The following LHFPL6 variants were observed in gnomAD, a reference collection of about 807,000 sequenced individuals.
LHFPL6 encodes LHFPL tetraspan subfamily member 6 protein.
In LHFPL6, 9 loss-of-function variants were observed where a neutral mutation model predicts 20.6. The ratio of observed to expected loss-of-function variants is 0.44; its 90% CI spans 0.26 to 0.76. The LOEUF (loss-of-function observed/expected upper bound fraction) is 0.76, where lower values mean the gene tolerates loss of function less well. LHFPL6 is among the 30% of genes least tolerant of loss of function. The probability of loss-of-function intolerance (pLI) is 0.20; values close to 1 mark genes in which losing one functional copy is unlikely to be tolerated. For synonymous variants in LHFPL6, 105 were observed against 98.7 expected (o/e 1.06, Z -0.38); for missense variants, 218 against 253.5 (o/e 0.86, Z 0.95).
At chr13:39,592,655 C>G (rs903858266) in intron 2 of LHFPL6, among the ~76,000 whole-genome samples, 5 of 152,142 alleles carry the variant, frequency 3.3e-5, no homozygotes, top group Admixed American at 1.3e-4. Flanking sequence ...CAAAGCCTGG[C>G]AGAGACACGA....
At chr13:39,401,135 G>A (rs1001076963) in intron 2 of LHFPL6, among the ~76,000 whole-genome samples, 3 of 152,192 alleles carry the variant, frequency 2.0e-5, no homozygotes, top group Non-Finnish European at 4.4e-5. Flanking sequence ...ACACTGAGTA[G>A]TCTAAGTTCA....
At chr13:39,497,350 A>G (rs1284184795) in intron 2 of LHFPL6, among the ~76,000 whole-genome samples, 1 of 152,194 alleles carries the variant, frequency 6.6e-6, no homozygotes, top group Non-Finnish European at 1.5e-5. Context: ...TTCTCAATAC[A>G]TGAGCTCAAA....
chr13:39,346,412 G>T (rs1299825001), intron 3 of LHFPL6, among the ~76,000 whole-genome samples: 3 of 152,132 alleles, frequency 2.0e-5, no homozygotes, highest in Non-Finnish European at 4.4e-5. Context: ...TCTCAAAATT[G>T]TCATGGAGCT....
intron 2 of LHFPL6, among the ~76,000 whole-genome samples, chr13:39,584,783 A>G (rs777662042): frequency 6.6e-6 from 1 of 152,092 alleles, no homozygotes; most frequent in Admixed American, 6.6e-5. Flanking sequence ...TCCAACATAT[A>G]CCAAACTGCA....
chr13:39,350,864 G>T (rs1395021330), intron 3 of LHFPL6, among the ~76,000 whole-genome samples: 1 of 152,186 alleles, frequency 6.6e-6, no homozygotes, highest in Non-Finnish European at 1.5e-5. Flanking sequence ...ATAGGGGTGG[G>T]GAGGGATGTT....
intron 2 of LHFPL6, among the ~76,000 whole-genome samples, chr13:39,435,597 T>C (rs1871936699): frequency 6.6e-6 from 1 of 152,192 alleles, no homozygotes; most frequent in Admixed American, 6.5e-5. Flanking sequence ...AAATTCTCCA[T>C]TGAAAATGCA....
intron 3 of LHFPL6, among the ~76,000 whole-genome samples, chr13:39,358,396 C>T (rs1231087084): frequency 2.6e-5 from 4 of 152,020 alleles, no homozygotes; most frequent in African/African-American, 9.7e-5. Context: ...AAAATTAACT[C>T]GAGAGATTAA....
intron 2 of LHFPL6, among the ~76,000 whole-genome samples, chr13:39,418,972 A>T (rs1871415208): frequency 1.3e-5 from 2 of 152,200 alleles, no homozygotes; most frequent in African/African-American, 4.8e-5. Flanking sequence ...GATTCCACAG[A>T]TTCACCTTCC....
intron 2 of LHFPL6, among the ~76,000 whole-genome samples, chr13:39,398,780 G>A (rs775748811): frequency 1.7e-4 from 26 of 152,304 alleles, no homozygotes; most frequent in Non-Finnish European, 2.9e-4. Flanking sequence ...ATCAACAGTG[G>A]CATTAGATTC....
At chr13:39,479,979 T>C (rs1868449186) in intron 2 of LHFPL6, among the ~76,000 whole-genome samples, 1 of 152,220 alleles carries the variant, frequency 6.6e-6, no homozygotes. Flanking sequence ...CGACTTCTTT[T>C]TTCGATCCAC....
chr13:39,401,967 T>C (rs1871001540), intron 2 of LHFPL6, among the ~76,000 whole-genome samples: 1 of 152,140 alleles, frequency 6.6e-6, no homozygotes. Context: ...TAGACAGATG[T>C]ATACCGTCCG....
chr13:39,574,627 C>A (rs1427605990), intron 2 of LHFPL6, among the ~76,000 whole-genome samples: 1 of 152,170 alleles, frequency 6.6e-6, no homozygotes, highest in Non-Finnish European at 1.5e-5. Context: ...CCTAGCTGCA[C>A]TGCAGAGCAA....
At chr13:39,384,127 G>C (rs2138364858) in intron 2 of LHFPL6, among the ~76,000 whole-genome samples, 1 of 152,330 alleles carries the variant, frequency 6.6e-6, no homozygotes, top group Admixed American at 6.5e-5. Flanking sequence ...GGGCAGAAGA[G>C]CCAATACTGA....
chr13:39,466,348 T>C (rs1872806067), intron 2 of LHFPL6, among the ~76,000 whole-genome samples: 1 of 152,222 alleles, frequency 6.6e-6, no homozygotes, highest in African/African-American at 2.4e-5. Flanking sequence ...TCACCTCCAC[T>C]TGACATCAGC....
At chr13:39,589,881 T>C (rs1872550166) in intron 2 of LHFPL6, among the ~76,000 whole-genome samples, 1 of 152,178 alleles carries the variant, frequency 6.6e-6, no homozygotes, top group Non-Finnish European at 1.5e-5. Flanking sequence ...TTATTAATAT[T>C]AACATGTAAT....
chr13:39,424,991 C>T (rs576795990), intron 2 of LHFPL6, among the ~76,000 whole-genome samples: 9 of 152,192 alleles, frequency 5.9e-5, no homozygotes, highest in Non-Finnish European at 7.4e-5. Context: ...ACCCAGGAAG[C>T]CATGGCCACA....
intron 2 of LHFPL6, among the ~76,000 whole-genome samples, chr13:39,463,172 A>ACTAGC (rs1469488770): frequency 6.6e-6 from 1 of 152,210 alleles, no homozygotes; most frequent in Non-Finnish European, 1.5e-5. Flanking sequence ...TACAGAATCA[A>ACTAGC]CTAGCAAATG....
At chr13:39,574,216 C>T (rs1425863421) in intron 2 of LHFPL6, among the ~76,000 whole-genome samples, 1 of 152,212 alleles carries the variant, frequency 6.6e-6, no homozygotes, top group East Asian at 1.9e-4. Context: ...GGCGCGGTGG[C>T]TCACGCCTGT....
chr13:39,430,849 A>C (rs1369821387), intron 2 of LHFPL6, among the ~76,000 whole-genome samples: 3 of 152,198 alleles, frequency 2.0e-5, no homozygotes, highest in Non-Finnish European at 4.4e-5. Flanking sequence ...CATGCGCAGG[A>C]TCAAATAAGG....
Sources: gnomAD v4.1 joint callset for allele counts (sites outside exome capture counted in the v4.1 genomes callset) on GRCh38, gnomAD v4.1.1 for gene constraint, MANE v1.5 for transcripts, NCBI Gene and HGNC (gene_info 2026-07-23, HGNC 2026-07-21) for gene names.